The following RBFOX1 variants were observed in gnomAD, a reference collection of about 807,000 sequenced individuals.
The protein encoded by RBFOX1 is RNA binding fox-1 homolog 1, also known as RNA binding protein fox-1 homolog 1.
A neutral mutation model predicts 57.7 loss-of-function variants in RBFOX1; 8 were observed. The ratio of observed to expected loss-of-function variants is 0.14; its 90% CI spans 0.08 to 0.25. The LOEUF is 0.25. Among genes scored for constraint, RBFOX1 ranks in the 10% least tolerant of loss-of-function variants. RBFOX1 has a pLI of 1.00. For synonymous variants in RBFOX1, 326 were observed against 222.4 expected, an observed-to-expected ratio of 1.47 and a Z score of -4.15; for missense variants, 611 against 548.5, an observed-to-expected ratio of 1.11 and a Z score of -1.14.
At position 5,949,158 on chromosome 16, in the gene RBFOX1, A is replaced by G. The variant is rs534659044; in HGVS notation, c.351+81823A>G. Reference sequence around the variant, plus strand: ...TATTCTCCCATATAACCAGCATACCATTAGCTGACCTAAGACATATAACAA... The same window carrying G: ...TATTCTCCCATATAACCAGCATACCGTTAGCTGACCTAAGACATATAACAA... On this transcript the variant is annotated intron_variant, in intron 4 of 19. Transcript: ENST00000641259. Among the ~76,000 whole-genome samples, 7 of 152,286 alleles carry G rather than the reference A, an allele frequency of 4.6e-5. No homozygotes were observed. In the East Asian group the frequency reaches 7.7e-4, roughly 17 times the overall value.
intron 3 of RBFOX1, among the ~76,000 whole-genome samples, chr16:6,799,767 C>A (rs754878826): frequency 2.6e-5 from 4 of 152,056 alleles, no homozygotes; most frequent in Non-Finnish European, 5.9e-5. Context: ...GTTCTTTAGC[C>A]TTTGGACCGC....
chr16:7,085,316 T>C (rs2059826121), intron 4 of RBFOX1, among the ~76,000 whole-genome samples: 1 of 152,188 alleles, frequency 6.6e-6, no homozygotes, highest in African/African-American at 2.4e-5. Flanking sequence ...TGGTTATCAC[T>C]TTGAAAATGT....
At chr16:6,103,203 G>A (rs1022110569) in intron 1 of RBFOX1, among the ~76,000 whole-genome samples, 12 of 152,168 alleles carry the variant, frequency 7.9e-5, no homozygotes, top group African/African-American at 2.7e-4. Flanking sequence ...GAATGAAGAG[G>A]AGGCTTGGGG....
intron 2 of RBFOX1, among the ~76,000 whole-genome samples, chr16:5,557,352 G>A (rs889713416): frequency 6.6e-6 from 1 of 152,140 alleles, no homozygotes; most frequent in Non-Finnish European, 1.5e-5. Flanking sequence ...CTGGCACTGT[G>A]CAAGGCAGAC....
chr16:6,902,270 G>C (rs956874132), intron 3 of RBFOX1, among the ~76,000 whole-genome samples: 2 of 152,046 alleles, frequency 1.3e-5, no homozygotes, highest in Admixed American at 1.3e-4. Context: ...CCCCGTTTTT[G>C]TTTCCACTGT....
intron 2 of RBFOX1, among the ~76,000 whole-genome samples, chr16:6,385,350 A>G (rs77621093): frequency 0.03 from 4,606 of 151,958 alleles, 257 homozygotes; most frequent in African/African-American, 0.11. Flanking sequence ...CCCCATCTTT[A>G]TTTTTGTTTT....
intron 4 of RBFOX1, among the ~76,000 whole-genome samples, chr16:5,938,019 G>A (rs529529481): frequency 1.4e-4 from 22 of 152,072 alleles, no homozygotes; most frequent in African/African-American, 4.8e-4. Flanking sequence ...TTGGGTATCT[G>A]TTTTTAATCC....
chr16:6,209,709 G>T lies in RBFOX1; in HGVS notation c.-126-107286G>T, dbSNP rs115375231. ...CTGTCTGATCTTCAGAAAGGGAGGG[G>T]CAAGCCATTGTCACTGGATGATTGA... On this transcript the variant is annotated intron_variant, in intron 1 of 15. Coordinates refer to ENST00000550418, the MANE Select transcript of RBFOX1 (RefSeq NM_018723.4). Among the ~76,000 whole-genome samples the T allele has an allele frequency of 1.4e-4, 21 of 152,304 alleles. No homozygotes were observed. In the East Asian group the frequency reaches 4.1e-3, roughly 29 times the overall value.
intron 4 of RBFOX1, among the ~76,000 whole-genome samples, chr16:7,154,940 T>G (rs1289476942): frequency 6.6e-6 from 1 of 152,166 alleles, no homozygotes; most frequent in East Asian, 1.9e-4. Context: ...AGAATAGGGA[T>G]GTTAACTTTT....
At chr16:7,266,120 G>A (rs1313728392) in intron 4 of RBFOX1, among the ~76,000 whole-genome samples, 3 of 151,878 alleles carry the variant, frequency 2.0e-5, no homozygotes, top group East Asian at 1.9e-4. Flanking sequence ...GACTACAGGC[G>A]CTCGCCAATA....
chr16:5,653,167 A>T lies in RBFOX1; in HGVS notation c.318+54206A>T, dbSNP rs540347704. On this transcript the variant is annotated intron_variant, in intron 3 of 19. Coordinates refer to the RBFOX1 transcript ENST00000641259. Reference sequence around the variant, plus strand: ...CTTCTGTGCGGAAGGTGGGGTGCGGAACCGTGTGCTGCACTTTTGTGCGGA... The same window carrying T: ...CTTCTGTGCGGAAGGTGGGGTGCGGTACCGTGTGCTGCACTTTTGTGCGGA... Among the ~76,000 whole-genome samples, 193 of 151,664 alleles carry T rather than the reference A, an allele frequency of 1.3e-3. 1 individual carries two copies. The highest frequency in any genetic ancestry group is 4.5e-3 in the African/African-American group (183 of 40,990).
intron 4 of RBFOX1, among the ~76,000 whole-genome samples, chr16:7,426,150 A>G (rs979819123): frequency 6.6e-6 from 1 of 152,226 alleles, no homozygotes; most frequent in Non-Finnish European, 1.5e-5. Context: ...ACCCTTGCCT[A>G]GGCAGGGTCT....
chr16:7,210,853 A>G (rs780762210), intron 4 of RBFOX1, among the ~76,000 whole-genome samples: 6 of 152,136 alleles, frequency 3.9e-5, no homozygotes, highest in Non-Finnish European at 8.8e-5. Flanking sequence ...CTAAGAAATA[A>G]TAATGTATTG....
At position 7,011,573 on chromosome 16, in the gene RBFOX1, G is replaced by T. The variant is rs529025579; in HGVS notation, c.-15-40484G>T. On this transcript the variant is annotated intron_variant, in intron 3 of 15. Transcript: ENST00000550418. ...TTGTCGCACAGGCTGGAGTGCAGTG[G>T]CATGATCTCGGCTCACTGCAAGCTC... Among the ~76,000 whole-genome samples the T allele has an allele frequency of 5.9e-5, 9 of 152,262 alleles. No individual in the cohort carries two copies. In the East Asian group the frequency reaches 1.7e-3, roughly 29 times the overall value.
intron 4 of RBFOX1, among the ~76,000 whole-genome samples, chr16:7,407,373 GGTGTGTGT>G (rs77358035): frequency 4.7e-4 from 70 of 149,554 alleles, no homozygotes; most frequent in East Asian, 1.0e-3. Flanking sequence ...GATTTGTATG[GGTGTGTGT>G]GTGTGTGTGT....
At chr16:6,960,585 C>G (rs1294539646) in intron 3 of RBFOX1, among the ~76,000 whole-genome samples, 2 of 152,054 alleles carry the variant, frequency 1.3e-5, no homozygotes, top group Non-Finnish European at 2.9e-5. Flanking sequence ...TTACCTCCTT[C>G]CAAACTCTGC....
intron 5 of RBFOX1, among the ~76,000 whole-genome samples, chr16:7,533,038 C>T (rs1250428133): frequency 6.6e-6 from 1 of 152,164 alleles, no homozygotes; most frequent in Non-Finnish European, 1.5e-5. Flanking sequence ...TCTAACAAAA[C>T]ATGGCAGCTA....
intron 3 of RBFOX1, among the ~76,000 whole-genome samples, chr16:7,049,819 C>G (rs35097290): frequency 4.6e-5 from 7 of 152,050 alleles, no homozygotes; most frequent in Middle Eastern, 3.2e-3. Flanking sequence ...TGTCAAGAAC[C>G]GAAACCTCAC....
intron 1 of RBFOX1, among the ~76,000 whole-genome samples, chr16:6,210,345 C>G (rs144133214): frequency 7.7e-5 from 2 of 26,012 alleles, no homozygotes; most frequent in Non-Finnish European, 1.3e-4. Flanking sequence ...AACAAAAAAA[C>G]AAAAAAAAAA....
Sources: gnomAD v4.1 joint callset for allele counts (sites outside exome capture counted in the v4.1 genomes callset) on GRCh38, gnomAD v4.1.1 for gene constraint, MANE v1.5 for transcripts, NCBI Gene and HGNC (gene_info 2026-07-23, HGNC 2026-07-21) for gene names.